Variants in MSRA observed in about 807,000 individuals in gnomAD.
MSRA encodes the protein methionine sulfoxide reductase A, also known as mitochondrial peptide methionine sulfoxide reductase.
MSRA carries 54 observed loss-of-function variants against 31.3 expected under a neutral mutation model. The ratio of observed to expected loss-of-function variants is 1.73; its 90% confidence interval spans 1.39 to 2.17. MSRA has a LOEUF of 2.17. Among genes scored for constraint, MSRA ranks in the 30% most tolerant of loss-of-function variants. MSRA has a pLI of 0.00. For missense variants in MSRA, 507 were observed against 300.9 expected, an observed-to-expected ratio of 1.69 and a Z score of -5.07; for synonymous variants, 169 against 116.5, an observed-to-expected ratio of 1.45 and a Z score of -2.90.
intron 5 of MSRA, among the ~76,000 whole-genome samples, chr8:10,378,936 A>G (rs150477228): frequency 2.6e-4 from 39 of 152,334 alleles, no homozygotes; most frequent in African/African-American, 9.1e-4. Context: ...AATCACCCAC[A>G]GCCCTACTGC....
At chr8:10,324,984 A>G (rs1802278624) in intron 5 of MSRA, among the ~76,000 whole-genome samples, 1 of 152,186 alleles carries the variant, frequency 6.6e-6, no homozygotes, top group African/African-American at 2.4e-5. Flanking sequence ...TGAGTGTAAG[A>G]TTGGGCAATG....
intron 5 of MSRA, among the ~76,000 whole-genome samples, chr8:10,401,152 A>G (rs1585689202): frequency 1.3e-5 from 2 of 152,228 alleles, no homozygotes; most frequent in East Asian, 1.9e-4. Context: ...CAAATCATAT[A>G]TCTGATAAGG....
chr8:10,150,714 G>C (rs554708845), intron 1 of MSRA, among the ~76,000 whole-genome samples: 2 of 152,140 alleles, frequency 1.3e-5, no homozygotes, highest in Non-Finnish European at 2.9e-5. Context: ...CAGCCGGCCT[G>C]TTCTGTCCCG....
chr8:10,347,764 G>A (rs1183468452), intron 5 of MSRA, among the ~76,000 whole-genome samples: 1 of 152,156 alleles, frequency 6.6e-6, no homozygotes, highest in Non-Finnish European at 1.5e-5. Flanking sequence ...ATTACTCCTT[G>A]CCACACACTT....
chr8:10,211,005 G>A (rs1458862615), intron 2 of MSRA, among the ~76,000 whole-genome samples: 1 of 151,832 alleles, frequency 6.6e-6, no homozygotes, highest in African/African-American at 2.4e-5. Flanking sequence ...CCAAATGCCG[G>A]GATTACAGGC....
At chr8:10,353,482 CGG>C in intron 5 of MSRA, 7 of 36,300 alleles carry the variant, frequency 1.9e-4, no homozygotes, top group Middle Eastern at 6.8e-3. Flanking sequence ...TATTTGGTAC[CGG>C]AGGCCCGGAG....
chr8:10,175,136 G>T (rs980840525), intron 1 of MSRA, among the ~76,000 whole-genome samples: 1 of 151,942 alleles, frequency 6.6e-6, no homozygotes, highest in Non-Finnish European at 1.5e-5. Flanking sequence ...CTCTACTATG[G>T]CCGTCCCGGT....
At chr8:10,056,676 C>G (rs1416721741) in intron 1 of MSRA, among the ~76,000 whole-genome samples, 2 of 152,118 alleles carry the variant, frequency 1.3e-5, no homozygotes, top group Admixed American at 1.3e-4. Flanking sequence ...GCTGAAAGCC[C>G]TGACTGGCTC....
At chr8:10,417,611 A>G (rs1006739683) in intron 5 of MSRA, among the ~76,000 whole-genome samples, 1 of 152,058 alleles carries the variant, frequency 6.6e-6, no homozygotes, top group Non-Finnish European at 1.5e-5. Context: ...ATGTTTTCTT[A>G]CTAGTGGCTT....
chr8:10,234,502 C>A (rs1265522649), intron 2 of MSRA, among the ~76,000 whole-genome samples: 1 of 150,798 alleles, frequency 6.6e-6, no homozygotes, highest in Non-Finnish European at 1.5e-5. Context: ...CAAAGGCAGT[C>A]AGAAAAGACT....
At chr8:10,317,105 A>G (rs1474261202) in intron 4 of MSRA, among the ~76,000 whole-genome samples, 1 of 152,210 alleles carries the variant, frequency 6.6e-6, no homozygotes, top group Non-Finnish European at 1.5e-5. Flanking sequence ...TTCAACCAAC[A>G]TGGACAGTCC....
At chr8:10,170,229 A>G (rs535829000) in intron 1 of MSRA, among the ~76,000 whole-genome samples, 95 of 151,836 alleles carry the variant, frequency 6.3e-4, no homozygotes, top group Non-Finnish European at 1.2e-3. Context: ...CTCCCTCCAA[A>G]TTCATATGTA....
intron 3 of MSRA, among the ~76,000 whole-genome samples, chr8:10,267,553 T>C (rs1798811114): frequency 6.6e-6 from 1 of 152,094 alleles, no homozygotes; most frequent in Non-Finnish European, 1.5e-5. Context: ...CAAGTGGATT[T>C]GTCCCGGGGA....
chr8:10,422,008 T>A (rs569034680), intron 5 of MSRA, among the ~76,000 whole-genome samples: 3 of 152,268 alleles, frequency 2.0e-5, no homozygotes, highest in East Asian at 1.9e-4. Context: ...GCAGGCTGTG[T>A]CGTGGCTCAC....
intron 3 of MSRA, among the ~76,000 whole-genome samples, chr8:10,278,388 A>C (rs527484898): frequency 1.3e-5 from 2 of 152,362 alleles, no homozygotes; most frequent in South Asian, 4.1e-4. Context: ...TCGCACATGC[A>C]CAGGTTGACT....
chr8:10,403,181 A>T (rs1385991058), intron 5 of MSRA, among the ~76,000 whole-genome samples: 1 of 152,206 alleles, frequency 6.6e-6, no homozygotes, highest in Non-Finnish European at 1.5e-5. Context: ...CTCCAAATGC[A>T]CCAGAGAAGC....
intron 1 of MSRA, among the ~76,000 whole-genome samples, chr8:10,087,411 T>C (rs1330598530): frequency 2.0e-5 from 3 of 152,218 alleles, no homozygotes; most frequent in East Asian, 1.9e-4. Flanking sequence ...CCTTGGCTCA[T>C]GCCTGGCAAG....
In MSRA at chr8:10,064,323, G is replaced by A. The variant is rs180989703; in HGVS notation, c.142+9665G>A. Among the ~76,000 whole-genome samples, 630 of 152,026 alleles carry A rather than the reference G, an allele frequency of 4.1e-3. 4 individuals carry two copies. Among genetic ancestry groups the A allele is most frequent in the African/African-American group, 0.014 (592 of 41,450 alleles). Reference sequence around the variant, plus strand: ...CAGCTGGTACCTCTTCTGTAAGCTCGGGCTCTTATGAAAGGGGACATAGGC... The same window carrying A: ...CAGCTGGTACCTCTTCTGTAAGCTCAGGCTCTTATGAAAGGGGACATAGGC... On this transcript the variant is annotated intron_variant, in intron 1 of 5. Transcript: ENST00000317173.
intron 5 of MSRA, among the ~76,000 whole-genome samples, chr8:10,413,414 G>A (rs1160817301): frequency 1.3e-5 from 2 of 152,210 alleles, no homozygotes; most frequent in African/African-American, 4.8e-5. Context: ...AACAGCAGCA[G>A]CAGAAGCAAC....
Sources: gnomAD v4.1 joint callset for allele counts (sites outside exome capture counted in the v4.1 genomes callset) on GRCh38, gnomAD v4.1.1 for gene constraint, MANE v1.5 for transcripts, NCBI Gene and HGNC (gene_info 2026-07-23, HGNC 2026-07-21) for gene names.